The following INPP5F variants were observed in gnomAD, a reference collection of about 807,000 sequenced individuals.
INPP5F encodes the protein inositol polyphosphate-5-phosphatase F.
Under a neutral mutation model 137.2 loss-of-function variants are expected in INPP5F, and 97 were observed. The ratio of observed to expected loss-of-function variants is 0.71; its 90% CI spans 0.60 to 0.84. The LOEUF is 0.84. INPP5F is among the 40% of genes least tolerant of loss of function. INPP5F has a pLI of 0.00. For missense variants in INPP5F, 1,271 were observed against 1,371.9 expected (o/e 0.93, Z 1.16); for synonymous variants, 504 against 476.9 (o/e 1.06, Z -0.74).
chr10:119,820,538 T>C (rs924685031), intron 15 of INPP5F, among the ~76,000 whole-genome samples: 4 of 152,216 alleles, frequency 2.6e-5, no homozygotes, highest in African/African-American at 4.8e-5. Context: ...TGCTTCTCTA[T>C]CATCCTCCAA....
intron 13 of INPP5F, among the ~76,000 whole-genome samples, chr10:119,809,163 G>A (rs528955778): frequency 2.4e-4 from 36 of 147,328 alleles, no homozygotes; most frequent in African/African-American, 8.5e-4. Context: ...GGAGGCAGAG[G>A]TTGCAGTAAG....
At chr10:119,744,191 C>A (rs1261195548) in intron 1 of INPP5F, among the ~76,000 whole-genome samples, 3 of 152,052 alleles carry the variant, frequency 2.0e-5, no homozygotes, top group Non-Finnish European at 4.4e-5. Context: ...GGATTGACTC[C>A]CCCCCTTTTT....
intron 2 of INPP5F, chr10:119,768,273 G>A (rs1008133345): frequency 6.6e-6 from 1 of 152,232 alleles, no homozygotes; most frequent in African/African-American, 2.4e-5. Context: ...CATACCTGTA[G>A]TCCCAGCTAG....
chr10:119,827,804 A>C lies in INPP5F; in HGVS notation c.*24A>C. 6.7e-7 allele frequency: 1 copy of C among 1,486,602 alleles called. No individual in the cohort carries two copies. The highest frequency in any genetic ancestry group is 1.3e-5 in the South Asian group (1 of 79,760). The allele number at this position is 1,486,602 out of a possible 1,614,324, so 92.1% of individuals were successfully genotyped here. On this transcript the variant is annotated 3_prime_UTR_variant, in exon 20 of 20. Transcript: ENST00000650623. The stretch of plus-strand genomic sequence containing the variant: ...AGCTTTTAGCCATAAGAATCCTTCC[A>C]TGGCTTTTATTTAAAAATATGAAAT...
chr10:119,789,263 C>T (rs1031301547), intron 3 of INPP5F, among the ~76,000 whole-genome samples: 9 of 151,924 alleles, frequency 5.9e-5, no homozygotes, highest in Non-Finnish European at 1.3e-4. Context: ...CTGTGTATCC[C>T]GTTTTGAATA....
intron 6 of INPP5F, among the ~76,000 whole-genome samples, chr10:119,795,307 CCT>C: frequency 6.6e-6 from 1 of 152,094 alleles, no homozygotes; most frequent in African/African-American, 2.4e-5. Flanking sequence ...CGGAGACGCT[CCT>C]CACTTCCCAG....
chr10:119,795,770 C>T (rs1589724883), intron 6 of INPP5F, among the ~76,000 whole-genome samples: 2 of 152,188 alleles, frequency 1.3e-5, no homozygotes, highest in African/African-American at 4.8e-5. Flanking sequence ...CATGCCACTG[C>T]ACTCCAGCCT....
intron 12 of INPP5F, 65 bp downstream of exon 12, chr10:119,806,545 C>T: frequency 7.1e-7 from 1 of 1,405,662 alleles, no homozygotes; most frequent in Non-Finnish European, 9.6e-7. Context: ...CATGAGTAAG[C>T]AAATAGCTAA....
At chr10:119,775,549 G>A (rs1238965258) in intron 2 of INPP5F, among the ~76,000 whole-genome samples, 2 of 152,166 alleles carry the variant, frequency 1.3e-5, no homozygotes, top group Non-Finnish European at 2.9e-5. Flanking sequence ...ACAAGCATGG[G>A]CCATGGTGCC....
At chr10:119,770,370 A>G (rs1273441430) in intron 2 of INPP5F, among the ~76,000 whole-genome samples, 2 of 152,236 alleles carry the variant, frequency 1.3e-5, no homozygotes, top group African/African-American at 4.8e-5. Flanking sequence ...GGTAACAAAT[A>G]AATACATAGC....
chr10:119,755,214 G>A (rs1348246693), intron 2 of INPP5F, among the ~76,000 whole-genome samples: 1 of 152,192 alleles, frequency 6.6e-6, no homozygotes, highest in African/African-American at 2.4e-5. Flanking sequence ...GCCACCAGCT[G>A]GGTGGCTTAA....
chr10:119,791,994 G>C lies in INPP5F; in HGVS notation c.570G>C (p.Arg190Ser), dbSNP rs1034419610. ...ATGACCTGACCAATTCCGTGCAGAG[G>C]CAGAGCACTGGGGAGAGGGACGGTC... ...LTYDLTNSVQ[R>S]QSTGERDGRP... Residue 190 changes from arginine (R) to serine (S), a missense_variant, in exon 5 of 20, where the codon AGG becomes AGC. Around this residue, in one of 6 missense-constraint regions of INPP5F, gnomAD observed 593 missense variants for 712.4 expected, o/e 0.83. Coordinates refer to ENST00000650623, the MANE Select transcript of INPP5F (RefSeq NM_014937.4). The C allele has an allele frequency of 6.2e-7, 1 of 1,614,244 alleles. No homozygotes were observed. The highest frequency in any genetic ancestry group is 8.5e-7 in the Non-Finnish European group (1 of 1,180,054).
intron 3 of INPP5F, 73 bp downstream of exon 3, chr10:119,781,844 T>G: frequency 8.0e-7 from 1 of 1,242,480 alleles, no homozygotes; most frequent in South Asian, 1.6e-5. Context: ...TTTGGTTCAG[T>G]AGACCAGAAA....
intron 1 of INPP5F, 97 bp downstream of exon 1, chr10:119,726,456 CG>C (rs1847892835): frequency 1.6e-6 from 1 of 609,658 alleles, no homozygotes; most frequent in African/African-American, 2.0e-5. Flanking sequence ...GAGCCGCCTG[CG>C]GGCCTGGTGA....
intron 2 of INPP5F, among the ~76,000 whole-genome samples, chr10:119,754,403 A>G (rs967914195): frequency 1.4e-5 from 2 of 139,960 alleles, no homozygotes; most frequent in Non-Finnish European, 3.2e-5. Flanking sequence ...CCCCCTTTAT[A>G]TGTACTTCTC....
chr10:119,802,530 G>T (rs1850629358), intron 9 of INPP5F, among the ~76,000 whole-genome samples: 1 of 152,146 alleles, frequency 6.6e-6, no homozygotes, highest in African/African-American at 2.4e-5. Flanking sequence ...TTGTGCAGCT[G>T]TTTTCATTTA....
chr10:119,741,251 C>A (rs1180681733), intron 1 of INPP5F, among the ~76,000 whole-genome samples: 1 of 152,168 alleles, frequency 6.6e-6, no homozygotes, highest in Non-Finnish European at 1.5e-5. Context: ...GCTTCAGGCC[C>A]CTTCATGTTC....
intron 9 of INPP5F, among the ~76,000 whole-genome samples, chr10:119,802,687 G>A (rs1329377210): frequency 6.6e-6 from 1 of 151,922 alleles, no homozygotes; most frequent in Admixed American, 6.6e-5. Flanking sequence ...ATATATTTTG[G>A]GATACTTGTA....
In INPP5F at chr10:119,726,235, G is replaced by A. The variant is rs779249196; in HGVS notation, c.-28G>A. The A allele has an allele frequency of 1.4e-6, 2 of 1,408,300 alleles. No homozygotes were observed. The highest frequency in any genetic ancestry group is 1.9e-6 in the Non-Finnish European group (2 of 1,073,540). The allele number at this position is 1,408,300 out of a possible 1,614,324, so 87.2% of individuals were successfully genotyped here. On this transcript the variant is annotated 5_prime_UTR_variant, in exon 1 of 20. Transcript: ENST00000650623. ...ACGCCCCGTGCGCCGCCCGCGGGCC[G>A]CCGCCTCCCTGGGCGCGCGGGGCCA...
Sources: allele counts gnomAD v4.1 joint callset (sites outside exome capture counted in the v4.1 genomes callset), GRCh38; gene constraint gnomAD v4.1.1; regional missense constraint gnomAD v4.1.1; transcripts MANE v1.5; gene names NCBI Gene and HGNC (gene_info 2026-07-23, HGNC 2026-07-21).